The following FNDC3B variants were observed in gnomAD, a reference collection of about 807,000 sequenced individuals.
FNDC3B encodes fibronectin type III domain-containing protein 3B.
Under a neutral mutation model 151.5 loss-of-function variants are expected in FNDC3B, and 12 were observed. The observed-to-expected ratio is 0.08, with a 90% confidence interval of 0.05 to 0.13. FNDC3B has a LOEUF of 0.13. Among genes scored for constraint, FNDC3B ranks in the 10% least tolerant of loss-of-function variants. The pLI is 1.00. For missense variants in FNDC3B, 1,214 were observed against 1,505.3 expected (o/e 0.81, Z 3.20); for synonymous variants, 528 against 549.0 (o/e 0.96, Z 0.54).
intron 22 of FNDC3B, among the ~76,000 whole-genome samples, chr3:172,353,767 A>G (rs73167285): frequency 0.034 from 5,222 of 152,314 alleles, 173 homozygotes; most frequent in East Asian, 0.15. Context: ...GACCCTATTT[A>G]AAAAGTATTT....
chr3:172,214,754 A>G (rs1286903082), intron 3 of FNDC3B, among the ~76,000 whole-genome samples: 1 of 152,146 alleles, frequency 6.6e-6, no homozygotes, highest in East Asian at 1.9e-4. Context: ...TTTTAAGTGC[A>G]TGAGTTAAAA....
At chr3:172,286,645 A>G (rs1730030977) in intron 7 of FNDC3B, among the ~76,000 whole-genome samples, 1 of 152,212 alleles carries the variant, frequency 6.6e-6, no homozygotes, top group Non-Finnish European at 1.5e-5. Flanking sequence ...CTCAGGGTAC[A>G]TAGTTGAATT....
At chr3:172,241,466 A>G (rs1185996089) in intron 4 of FNDC3B, among the ~76,000 whole-genome samples, 1 of 152,174 alleles carries the variant, frequency 6.6e-6, no homozygotes. Context: ...ACATAGGAAA[A>G]AGGTTTAATC....
intron 1 of FNDC3B, among the ~76,000 whole-genome samples, chr3:172,063,626 C>T (rs555742740): frequency 2.6e-5 from 4 of 152,216 alleles, no homozygotes; most frequent in South Asian, 2.1e-4. Context: ...GGGTTCCATT[C>T]GGAGTTGGCT....
At position 172,344,232 on chromosome 3, in the gene FNDC3B, C is replaced by T. The variant is rs1294695831; in HGVS notation, c.2224C>T (p.Arg742Trp). The T allele has an allele frequency of 1.3e-5, 21 of 1,613,780 alleles. No homozygotes were observed. The highest frequency in any genetic ancestry group is 6.7e-5 in the African/African-American group (5 of 74,900). ...NLLPGTVYRF[R>W]VRALNDGGYG... Reference sequence around the variant, plus strand: ...GCTTCCTGGAACCGTGTATCGCTTCCGGGTGAGGGCTCTGAATGATGGAGG... The same window carrying T: ...GCTTCCTGGAACCGTGTATCGCTTCTGGGTGAGGGCTCTGAATGATGGAGG... Residue 742 changes from arginine to tryptophan, a missense_variant, in exon 19 of 26, where the codon CGG becomes TGG. Physicochemically the swap from Arg to Trp is moderately radical, Grantham distance 101. Transcript: ENST00000415807.
chr3:172,074,166 C>A (rs1381592871), intron 1 of FNDC3B, among the ~76,000 whole-genome samples: 1 of 152,166 alleles, frequency 6.6e-6, no homozygotes, highest in East Asian at 1.9e-4. Flanking sequence ...TGCTTCTAGC[C>A]TGAGGGAGGT....
chr3:172,103,407 T>C (rs1421613497), intron 1 of FNDC3B, among the ~76,000 whole-genome samples: 2 of 152,220 alleles, frequency 1.3e-5, no homozygotes, highest in African/African-American at 4.8e-5. Context: ...TTTTTACTCA[T>C]AATCCTTATA....
At chr3:172,264,374 A>G (rs1014204988) in intron 6 of FNDC3B, among the ~76,000 whole-genome samples, 3 of 152,240 alleles carry the variant, frequency 2.0e-5, no homozygotes, top group African/African-American at 7.2e-5. Flanking sequence ...TGAGAGATAC[A>G]GTAATCATCT....
intron 22 of FNDC3B, among the ~76,000 whole-genome samples, chr3:172,356,553 T>A (rs1012932678): frequency 4.6e-5 from 7 of 152,054 alleles, no homozygotes; most frequent in African/African-American, 1.7e-4. Context: ...CAGAGCAGGG[T>A]ATGAGAAGAG....
chr3:172,209,831 G>A (rs755993995), intron 3 of FNDC3B, among the ~76,000 whole-genome samples: 8 of 152,240 alleles, frequency 5.3e-5, no homozygotes, highest in Non-Finnish European at 8.8e-5. Context: ...CTGCAGGCCC[G>A]CACTGAACTG....
chr3:172,329,266 C>A, intron 12 of FNDC3B, 190 bp downstream of exon 12: 1 of 605,924 alleles, frequency 1.7e-6, no homozygotes, highest in Non-Finnish European at 2.8e-6. Context: ...ATGGCCTCTG[C>A]AGTCTTGCAA....
intron 3 of FNDC3B, among the ~76,000 whole-genome samples, chr3:172,225,119 A>C (rs1286385715): frequency 6.6e-6 from 1 of 152,190 alleles, no homozygotes; most frequent in African/African-American, 2.4e-5. Context: ...CATTGAATTT[A>C]ATTTGTTGTT....
chr3:172,176,717 ATTAC>A (rs559642904), intron 3 of FNDC3B, among the ~76,000 whole-genome samples: 4 of 152,290 alleles, frequency 2.6e-5, no homozygotes, highest in East Asian at 3.9e-4. Flanking sequence ...GATGTCTGTT[ATTAC>A]TTTTTTGAAT....
intron 3 of FNDC3B, among the ~76,000 whole-genome samples, chr3:172,151,220 G>C (rs1180939249): frequency 6.6e-6 from 1 of 152,186 alleles, no homozygotes; most frequent in African/African-American, 2.4e-5. Context: ...CTGTATGTGT[G>C]AGTGTATATT....
chr3:172,384,347 C>T (rs1464250629), intron 25 of FNDC3B, among the ~76,000 whole-genome samples: 4 of 152,052 alleles, frequency 2.6e-5, no homozygotes, highest in African/African-American at 4.8e-5. Flanking sequence ...TCATTTTATA[C>T]GATATATTCC....
intron 1 of FNDC3B, among the ~76,000 whole-genome samples, chr3:172,109,677 T>C (rs1559969870): frequency 6.6e-6 from 1 of 152,090 alleles, no homozygotes; most frequent in Non-Finnish European, 1.5e-5. Context: ...TTCTCAGGAG[T>C]GTTTGTACAT....
Position 172,292,781 on chromosome 3 carries a change from A to G in FNDC3B, c.850-2582A>G, listed in dbSNP as rs1489857482. On this transcript the variant is annotated intron_variant, in intron 7 of 25. Coordinates refer to ENST00000415807, the MANE Select transcript of FNDC3B (RefSeq NM_022763.4). ...CGTTAAAAATAAAATATGATACCCA[A>G]TACCTCAGGATTACTCATTAATGGT... 2.0e-5 allele frequency among the ~76,000 whole-genome samples: 3 copies of G among 152,326 alleles called. No individual in the cohort carries two copies. In the East Asian group the frequency reaches 5.8e-4, roughly 29 times the overall value.
rs910045582 is a variant in FNDC3B, at chr3:172,071,561, G to A, written c.-29+31790G>A. On this transcript the variant is annotated intron_variant, in intron 1 of 25. Coordinates refer to ENST00000415807, the MANE Select transcript of FNDC3B (RefSeq NM_022763.4). ...AAATTTTTATTTTGTTAAAAATAGTGAAATAAAATCAGAATTAATTTTTTT... is the reference window on the plus strand; with the variant it reads ...AAATTTTTATTTTGTTAAAAATAGTAAAATAAAATCAGAATTAATTTTTTT... 5.5e-4 allele frequency among the ~76,000 whole-genome samples: 83 copies of A among 152,216 alleles called. 1 individual carries two copies. Among genetic ancestry groups the A allele is most frequent in the African/African-American group, 2.0e-3 (82 of 41,528 alleles).
At chr3:172,171,189 T>A (rs1723263101) in intron 3 of FNDC3B, among the ~76,000 whole-genome samples, 1 of 152,222 alleles carries the variant, frequency 6.6e-6, no homozygotes, top group Non-Finnish European at 1.5e-5. Flanking sequence ...CAAAGCAACA[T>A]GCCAGACAAG....
Sources: allele counts gnomAD v4.1 joint callset (sites outside exome capture counted in the v4.1 genomes callset), GRCh38; gene constraint gnomAD v4.1.1; transcripts MANE v1.5; gene names NCBI Gene and HGNC (gene_info 2026-07-23, HGNC 2026-07-21).